Variants in GTF2A1 observed in about 807,000 individuals in gnomAD.
GTF2A1 encodes the protein transcription initiation factor IIA subunit 1.
GTF2A1 carries 12 observed loss-of-function variants against 54.1 expected under a neutral mutation model. The ratio of observed to expected loss-of-function variants is 0.22; its 90% CI spans 0.14 to 0.36. The LOEUF is 0.36. Among genes scored for constraint, GTF2A1 ranks in the 10% least tolerant of loss-of-function variants. The pLI, the probability that GTF2A1 is intolerant of heterozygous loss-of-function variation, is 1.00. For missense variants in GTF2A1, 335 were observed against 442.2 expected, an observed-to-expected ratio of 0.76 and a Z score of 2.17; for synonymous variants, 145 against 152.0, an observed-to-expected ratio of 0.95 and a Z score of 0.34.
intron 7 of GTF2A1, 52 bp from the exon 8 acceptor site, chr14:81,185,672 TG>T: frequency 1.1e-6 from 1 of 938,306 alleles, no homozygotes; most frequent in Non-Finnish European, 1.7e-6. Context: ...TAATATTCAC[TG>T]AAAAAAAAAA....
rs1213839255 is a variant in GTF2A1, at chr14:81,179,890, T to G, written c.*333A>C. 3 of 166,528 alleles carry G rather than the reference T, an allele frequency of 1.8e-5. No individual in the cohort carries two copies. The highest frequency in any genetic ancestry group is 7.1e-5 in the African/African-American group (3 of 42,074). 10.3% of individuals were successfully genotyped at this position (166,528 alleles called of 1,614,324 possible). On this transcript the variant is annotated 3_prime_UTR_variant, in exon 9 of 9. Coordinates refer to ENST00000553612, the MANE Select transcript of GTF2A1 (RefSeq NM_015859.4). ...TCAGTTCATTCCAACAAGTATCTTC[T>G]GATTGAACCCAAGTTGGAGGAAGGA...
intron 6 of GTF2A1, among the ~76,000 whole-genome samples, chr14:81,193,514 T>A (rs1264267712): frequency 6.6e-6 from 1 of 152,178 alleles, no homozygotes; most frequent in Admixed American, 6.5e-5. Context: ...CGCAAGTCAT[T>A]TAACTCCTCT....
At chr14:81,188,218 G>A (rs1156945696) in intron 7 of GTF2A1, among the ~76,000 whole-genome samples, 1 of 152,028 alleles carries the variant, frequency 6.6e-6, no homozygotes, top group African/African-American at 2.4e-5. Flanking sequence ...TATATATTCT[G>A]GATAGTAGAT....
At chr14:81,204,182 T>C in intron 2 of GTF2A1, 78 bp from the exon 3 acceptor site, 1 of 935,582 alleles carries the variant, frequency 1.1e-6, no homozygotes, top group East Asian at 2.4e-5. Flanking sequence ...ATTAATCTCT[T>C]TATAAAGTTA....
chr14:81,186,820 T>C (rs1480849133), intron 7 of GTF2A1, among the ~76,000 whole-genome samples: 1 of 152,048 alleles, frequency 6.6e-6, no homozygotes, highest in Non-Finnish European at 1.5e-5. Context: ...TATGGTGGCA[T>C]ATGCCTATAG....
chr14:81,203,949 T>TACTGTCTGCTGAGGC lies in GTF2A1; in HGVS notation c.273_287dup (p.Thr95_Gln99dup). On this transcript the variant is annotated inframe_insertion, in exon 3 of 9. Transcript: ENST00000553612. ...CCTGCTGGGTCTGCGCTTGCTGAGGTACTGTCTGCTGAGGCTGAGCTTGCT... is the reference window on the plus strand; with the variant it reads ...CCTGCTGGGTCTGCGCTTGCTGAGGTACTGTCTGCTGAGGCACTGTCTGCTGAGGCTGAGCTTGCT... The TACTGTCTGCTGAGGC allele has an allele frequency of 1.2e-6, 2 of 1,614,058 alleles. No individual in the cohort carries two copies.
rs1383491870 is a variant in GTF2A1, at chr14:81,178,832, T to C, written c.*1391A>G. 6.6e-6 allele frequency: 1 copy of C among 152,220 alleles called. No homozygotes were observed. The highest frequency in any genetic ancestry group is 1.9e-4 in the East Asian group (1 of 5,208). 9.4% of individuals were successfully genotyped at this position (152,220 alleles called of 1,614,324 possible). A position where few individuals can be genotyped will look rare whatever the true frequency, so the allele number is the denominator to read the frequency against. On this transcript the variant is annotated 3_prime_UTR_variant, in exon 9 of 9. Coordinates refer to ENST00000553612, the MANE Select transcript of GTF2A1 (RefSeq NM_015859.4). ...ATAAACCATGGAAAGTTGAATTCGT[T>C]GTAAGAACACAATGGTGAAGACAAG...
chr14:81,210,706 C>T (rs1274883791), intron 2 of GTF2A1, among the ~76,000 whole-genome samples: 1 of 152,070 alleles, frequency 6.6e-6, no homozygotes, highest in East Asian at 1.9e-4. Context: ...AAGCATGCAC[C>T]ACCATGCCCA....
chr14:81,209,430 CTT>C (rs1893313709), intron 2 of GTF2A1, among the ~76,000 whole-genome samples: 1 of 152,152 alleles, frequency 6.6e-6, no homozygotes, highest in Admixed American at 6.5e-5. Context: ...CGGGTTACGT[CTT>C]TATCAGCAGT....
intron 6 of GTF2A1, 119 bp from the exon 7 acceptor site, chr14:81,192,958 A>G (rs1449874441): frequency 3.1e-6 from 2 of 653,450 alleles, no homozygotes; most frequent in African/African-American, 3.6e-5. Context: ...ACAGTTAAAA[A>G]CTACCAAAGT....
Position 81,177,146 on chromosome 14 carries a change from A to G in GTF2A1, c.*3077T>C, listed in dbSNP as rs1892546202. ...CCTAAAACCAGAATCTATTATGCTC[A>G]TTAAGCACACATTTTAATTACTACA... On this transcript the variant is annotated 3_prime_UTR_variant, in exon 9 of 9. Transcript: ENST00000553612. 2.0e-5 allele frequency: 3 copies of G among 152,174 alleles called. No homozygotes were observed. The South Asian group carries it at 6.2e-4, about 31-fold the overall frequency. 9.4% of individuals were successfully genotyped at this position (152,174 alleles called of 1,614,324 possible). A position where few individuals can be genotyped will look rare whatever the true frequency, so the allele number is the denominator to read the frequency against.
chr14:81,220,382 G>A (rs1330545937), intron 1 of GTF2A1, 107 bp downstream of exon 1: 3 of 581,428 alleles, frequency 5.2e-6, no homozygotes, highest in South Asian at 1.2e-4. Flanking sequence ...CCGCGCGGGC[G>A]GCTGAAGAGT....
chr14:81,208,032 T>G (rs902019024), intron 2 of GTF2A1, among the ~76,000 whole-genome samples: 5 of 152,138 alleles, frequency 3.3e-5, no homozygotes, highest in African/African-American at 1.2e-4. Context: ...GAGGAGAAAT[T>G]CAAGCTGGCT....
chr14:81,204,473 TG>T (rs1404746143), intron 2 of GTF2A1, among the ~76,000 whole-genome samples: 1 of 152,214 alleles, frequency 6.6e-6, no homozygotes, highest in Admixed American at 6.5e-5. Context: ...TATTTTTATA[TG>T]GAACTTTTTC....
intron 4 of GTF2A1, among the ~76,000 whole-genome samples, chr14:81,199,892 C>T (rs1243375982): frequency 6.6e-6 from 1 of 151,714 alleles, no homozygotes; most frequent in Non-Finnish European, 1.5e-5. Flanking sequence ...GTGAGTTATT[C>T]CCTAGGATAT....
At chr14:81,211,773 G>A (rs1893368521) in intron 2 of GTF2A1, among the ~76,000 whole-genome samples, 1 of 151,106 alleles carries the variant, frequency 6.6e-6, no homozygotes, top group Admixed American at 6.6e-5. Flanking sequence ...AAATAATGCT[G>A]TAGAAACAGA....
chr14:81,197,586 C>T (rs959075735), intron 4 of GTF2A1, 102 bp from the exon 5 acceptor site: 5 of 641,796 alleles, frequency 7.8e-6, no homozygotes, highest in Non-Finnish European at 1.1e-5. Flanking sequence ...TTAGAATATA[C>T]CAAAATTTAA....
intron 1 of GTF2A1, among the ~76,000 whole-genome samples, chr14:81,219,124 T>C (rs1416115464): frequency 2.0e-5 from 3 of 152,140 alleles, no homozygotes; most frequent in Non-Finnish European, 4.4e-5. Flanking sequence ...TTTAAATAAT[T>C]AATTTTGAAA....
chr14:81,200,240 T>C (rs933272367), intron 4 of GTF2A1, among the ~76,000 whole-genome samples: 2 of 152,172 alleles, frequency 1.3e-5, no homozygotes, highest in Non-Finnish European at 2.9e-5. Context: ...AAGCCCTTCT[T>C]ATCTGGCTTA....
Sources: allele counts gnomAD v4.1 joint callset (sites outside exome capture counted in the v4.1 genomes callset), GRCh38; gene constraint gnomAD v4.1.1; transcripts MANE v1.5; gene names NCBI Gene and HGNC (gene_info 2026-07-23, HGNC 2026-07-21).